The following PPP2R2B variants were observed in gnomAD, a reference collection of about 807,000 sequenced individuals.
PPP2R2B encodes the protein serine/threonine-protein phosphatase 2A 55 kDa regulatory subunit B beta isoform.
A neutral mutation model predicts 46.0 loss-of-function variants in PPP2R2B; 5 were observed. That is an observed-to-expected ratio of 0.11 (90% CI 0.06 to 0.23). The LOEUF (loss-of-function observed/expected upper bound fraction) is 0.23. Ranked by LOEUF, PPP2R2B falls within the 10% of genes least tolerant of loss-of-function variation. PPP2R2B has a pLI of 1.00. For synonymous variants in PPP2R2B, 215 were observed against 206.7 expected, an observed-to-expected ratio of 1.04 and a Z score of -0.34; for missense variants, 367 against 575.0, an observed-to-expected ratio of 0.64 and a Z score of 3.70.
intron 1 of PPP2R2B, among the ~76,000 whole-genome samples, chr5:146,973,306 C>A (rs930431415): frequency 6.6e-6 from 1 of 152,312 alleles, no homozygotes. Context: ...TTCCCATGTT[C>A]TTTCCATAGA....
chr5:147,011,789 G>C (rs915289168), intron 1 of PPP2R2B, among the ~76,000 whole-genome samples: 5 of 143,570 alleles, frequency 3.5e-5, no homozygotes, highest in East Asian at 2.0e-4. Context: ...TAGCATGAAG[G>C]GTTGTTGAAT....
intron 1 of PPP2R2B, among the ~76,000 whole-genome samples, chr5:146,943,418 G>A (rs1417728748): frequency 6.6e-6 from 1 of 152,136 alleles, no homozygotes; most frequent in East Asian, 1.9e-4. Flanking sequence ...TTTAGCTTCA[G>A]TACTCATAGT....
intron 1 of PPP2R2B, among the ~76,000 whole-genome samples, chr5:146,968,966 A>G (rs1370929958): frequency 1.3e-5 from 2 of 152,256 alleles, no homozygotes. Context: ...TATAATGGCT[A>G]TGCTTAACAA....
intron 2 of PPP2R2B, among the ~76,000 whole-genome samples, chr5:146,797,646 CATT>C (rs1173740692): frequency 1.3e-5 from 2 of 152,336 alleles, no homozygotes; most frequent in East Asian, 3.9e-4. Flanking sequence ...CAGCTAAGCA[CATT>C]ATTGTCATCA....
intron 2 of PPP2R2B, among the ~76,000 whole-genome samples, chr5:146,762,374 C>A (rs956587287): frequency 2.0e-5 from 3 of 151,972 alleles, no homozygotes; most frequent in African/African-American, 7.3e-5. Flanking sequence ...AAAATAGTAC[C>A]GAAAGCTGCA....
chr5:147,001,597 C>T (rs771804293), intron 1 of PPP2R2B, among the ~76,000 whole-genome samples: 14 of 152,114 alleles, frequency 9.2e-5, no homozygotes, highest in Admixed American at 5.9e-4. Flanking sequence ...TTGAAGTCAG[C>T]GAGACCAAGA....
intron 2 of PPP2R2B, among the ~76,000 whole-genome samples, chr5:146,722,907 A>C (rs1030547094): frequency 6.6e-6 from 1 of 152,140 alleles, no homozygotes. Context: ...GTCTACTGCC[A>C]CTACCTAAAC....
At chr5:146,895,820 C>T (rs1198156965) in intron 1 of PPP2R2B, among the ~76,000 whole-genome samples, 1 of 152,120 alleles carries the variant, frequency 6.6e-6, no homozygotes, top group East Asian at 1.9e-4. Flanking sequence ...AAATAAAGAA[C>T]CACAAAGTCC....
At chr5:146,834,427 A>G (rs1759149469) in intron 2 of PPP2R2B, among the ~76,000 whole-genome samples, 1 of 152,232 alleles carries the variant, frequency 6.6e-6, no homozygotes, top group Admixed American at 6.5e-5. Context: ...TTTCTTGGCA[A>G]GTTGAATTAT....
At chr5:146,933,048 T>A (rs1170498990) in intron 1 of PPP2R2B, among the ~76,000 whole-genome samples, 1 of 152,196 alleles carries the variant, frequency 6.6e-6, no homozygotes. Context: ...TTATATCATA[T>A]GCTGTTTTAA....
intron 7 of PPP2R2B, among the ~76,000 whole-genome samples, chr5:146,608,082 T>G (rs1772465058): frequency 6.6e-6 from 1 of 152,190 alleles, no homozygotes; most frequent in African/African-American, 2.4e-5. Flanking sequence ...AAGTTGTGAG[T>G]CAGACTTGGC....
At chr5:146,707,357 C>T in intron 2 of PPP2R2B, 1 of 838,358 alleles carries the variant, frequency 1.2e-6, no homozygotes. Flanking sequence ...GTGCACACAG[C>T]ATGGATGTTG....
intron 2 of PPP2R2B, among the ~76,000 whole-genome samples, chr5:146,749,538 A>G (rs2151233852): frequency 6.6e-6 from 1 of 151,940 alleles, no homozygotes; most frequent in Non-Finnish European, 1.5e-5. Flanking sequence ...CCTTGATCAC[A>G]GTGCATATAG....
intron 1 of PPP2R2B, among the ~76,000 whole-genome samples, chr5:146,966,475 A>T (rs1752416057): frequency 6.6e-6 from 1 of 152,314 alleles, no homozygotes; most frequent in African/African-American, 2.4e-5. Context: ...CACTGCGGCT[A>T]TGTGAGCAGA....
At chr5:146,906,983 C>T (rs916391196) in intron 1 of PPP2R2B, among the ~76,000 whole-genome samples, 5 of 152,194 alleles carry the variant, frequency 3.3e-5, no homozygotes, top group Middle Eastern at 6.8e-3. Flanking sequence ...GGATGAGTAA[C>T]ACAGGAAGGG....
chr5:146,803,700 A>T (rs929474389), intron 2 of PPP2R2B, among the ~76,000 whole-genome samples: 1 of 152,196 alleles, frequency 6.6e-6, no homozygotes, highest in Non-Finnish European at 1.5e-5. Context: ...GGGTAATGGT[A>T]AGGAATACAA....
chr5:147,077,352 C>T (rs1375443348), intron 2 of PPP2R2B, among the ~76,000 whole-genome samples: 1 of 150,266 alleles, frequency 6.7e-6, no homozygotes, highest in African/African-American at 2.5e-5. Context: ...TAATGGGTAA[C>T]TATACGATTA....
chr5:146,711,651 G>A (rs1282973339), intron 2 of PPP2R2B, among the ~76,000 whole-genome samples: 1 of 152,164 alleles, frequency 6.6e-6, no homozygotes, highest in East Asian at 1.9e-4. Context: ...CAAAGTGGAT[G>A]AGCAAATACA....
chr5:146,980,934 AT>A (rs149435074), intron 1 of PPP2R2B, among the ~76,000 whole-genome samples: 1 of 151,890 alleles, frequency 6.6e-6, no homozygotes, highest in South Asian at 2.1e-4. Context: ...ACCTTTAAAC[AT>A]TTTTTTTAAC....
Sources: gnomAD v4.1 joint callset for allele counts (sites outside exome capture counted in the v4.1 genomes callset) on GRCh38, gnomAD v4.1.1 for gene constraint, MANE v1.5 for transcripts, NCBI Gene and HGNC (gene_info 2026-07-23, HGNC 2026-07-21) for gene names.